NUBP2: variants seen among roughly 807,000 people sequenced by gnomAD.
NUBP2 encodes the protein NUBP iron-sulfur cluster assembly factor 2, cytosolic.
NUBP2 carries 23 observed loss-of-function variants against 24.9 expected under a neutral mutation model. The observed-to-expected ratio is 0.92, with a 90% CI of 0.66 to 1.31. The LOEUF (loss-of-function observed/expected upper bound fraction) is 1.31, where lower values mean the gene tolerates loss of function less well. Among genes scored for constraint, NUBP2 ranks in the 50% most tolerant of loss-of-function variants. The pLI, the probability that NUBP2 is intolerant of heterozygous loss-of-function variation, is 0.00. For missense variants in NUBP2, 403 were observed against 386.5 expected (o/e 1.04, Z -0.36); for synonymous variants, 186 against 170.9 (o/e 1.09, Z -0.69).
chr16:1,783,322 C>T (rs1040282315), intron 1 of NUBP2: 17 of 1,119,352 alleles, frequency 1.5e-5, no homozygotes, highest in Admixed American at 1.0e-4. Flanking sequence ...TAGGCGGGCG[C>T]GGTGGCGCCT....
chr16:1,788,607 G>C lies in NUBP2; in HGVS notation c.709G>C (p.Glu237Gln), dbSNP rs1215395837. 6.2e-7 allele frequency: 1 copy of C among 1,610,162 alleles called. No homozygotes were observed. The highest frequency in any genetic ancestry group is 8.5e-7 in the Non-Finnish European group (1 of 1,179,284). ...PLDPALMRTL[E>Q]EGHDFIQEFP... Reference sequence around the variant, plus strand: ...GGACCCTGCGCTCATGAGGACCCTGGAGGAGGGCCACGACTTCATCCAGGA... The same window carrying C: ...GGACCCTGCGCTCATGAGGACCCTGCAGGAGGGCCACGACTTCATCCAGGA... The change falls in exon 7 of 7, where the codon GAG (glutamate) becomes CAG (glutamine). Residue 237 changes from glutamate to glutamine, a missense_variant. Coordinates refer to ENST00000262302, the MANE Select transcript of NUBP2 (RefSeq NM_012225.4).
At chr16:1,787,653 G>A (rs368658020) in intron 3 of NUBP2, 24 bp from the exon 4 acceptor site, 149 of 1,609,216 alleles carry the variant, frequency 9.3e-5, no homozygotes, top group Middle Eastern at 5.2e-4. Context: ...TGCCCTGACC[G>A]CCCCGTCTGC....
Position 1,786,995 on chromosome 16 carries a change from G to A in NUBP2, c.334+40G>A, listed in dbSNP as rs1342361007. On this transcript the variant is annotated intron_variant, in intron 3 of 6. Transcript: ENST00000262302. ...GCGCGTCCGCCGTCCTGGTGAAGGG[G>A]GTTAGCGTCCGTGCCGGCCTCTCCT... 2.0e-6 allele frequency: 3 copies of A among 1,481,766 alleles called. No homozygotes were observed. In the East Asian group the frequency reaches 7.0e-5, roughly 35 times the overall value. The allele number at this position is 1,481,766 out of a possible 1,614,324, so 91.8% of individuals were successfully genotyped here.
At chr16:1,784,527 C>G (rs928401166) in intron 1 of NUBP2, 4 of 152,030 alleles carry the variant, frequency 2.6e-5, no homozygotes, top group East Asian at 2.0e-4. Context: ...CTCAGCCTCC[C>G]AAATAGCTGG....
intron 3 of NUBP2, 107 bp downstream of exon 3, chr16:1,787,062 AC>A: frequency 8.9e-7 from 1 of 1,123,678 alleles, no homozygotes; most frequent in Non-Finnish European, 1.2e-6. Context: ...GTTCCTGGGG[AC>A]CTGCACATGA....
chr16:1,786,928 G>A lies in NUBP2; in HGVS notation c.307G>A (p.Val103Met), dbSNP rs543159832. 2.4e-5 allele frequency: 36 copies of A among 1,530,620 alleles called. 1 individual carries two copies. The highest frequency in any genetic ancestry group is 1.1e-4 in the African/African-American group (8 of 72,678). The allele number at this position is 1,530,620 out of a possible 1,614,324, so 94.8% of individuals were successfully genotyped here. A position where few individuals can be genotyped will look rare whatever the true frequency, so the allele number is the denominator to read the frequency against. Residue 103 changes from valine (V) to methionine (M), a missense_variant, in exon 3 of 7, where the codon GTG (valine) becomes ATG (methionine). Coordinates refer to ENST00000262302, the MANE Select transcript of NUBP2 (RefSeq NM_012225.4). ...CCTGCTGGAGAAGCCGGACGAGGCC[G>A]TGGTGTGGAGAGGCCCCAAGAAAAA... ...GFLLEKPDEAVVWRGPKKNAL... is the reference protein window; with the variant it reads ...GFLLEKPDEAMVWRGPKKNAL...
intron 1 of NUBP2, chr16:1,783,435 T>A: frequency 9.9e-7 from 1 of 1,012,198 alleles, no homozygotes; most frequent in Non-Finnish European, 1.2e-6. Flanking sequence ...GTCATGAAAG[T>A]AAGACGGACG....
Position 1,788,620 on chromosome 16 carries a change from A to G in NUBP2, c.722A>G (p.Asp241Gly). The G allele has an allele frequency of 6.2e-7, 1 of 1,610,998 alleles. No homozygotes were observed. Among genetic ancestry groups the G allele is most frequent in the Non-Finnish European group, 8.5e-7 (1 of 1,179,426 alleles). The change falls in exon 7 of 7, where the codon GAC becomes GGC. Residue 241 changes from aspartate (D) to glycine (G), a missense_variant. Physicochemically the swap from Asp to Gly is moderately conservative, Grantham distance 94. Coordinates refer to ENST00000262302, the MANE Select transcript of NUBP2 (RefSeq NM_012225.4). ...ATGAGGACCCTGGAGGAGGGCCACG[A>G]CTTCATCCAGGAGTTCCCTGGGAGC... ...ALMRTLEEGH[D>G]FIQEFPGSPA...
At chr16:1,785,696 CTG>C (rs1203914266) in intron 1 of NUBP2, 2 of 1,288,922 alleles carry the variant, frequency 1.6e-6, no homozygotes, top group African/African-American at 3.0e-5. Context: ...CAGGCAGCCT[CTG>C]TAGGTCTGAG....
Position 1,788,110 on chromosome 16 carries a change from C to A in NUBP2, c.601-28C>A, listed in dbSNP as rs778031091. 33 of 1,548,700 alleles carry A rather than the reference C, an allele frequency of 2.1e-5. No individual in the cohort carries two copies. The East Asian group carries it at 5.7e-4, about 27-fold the overall frequency. On this transcript the variant is annotated intron_variant, in intron 5 of 6. Transcript: ENST00000262302. ...GCACCTGGCCGGTGGGGGCTTTGGGCAGTGCTGGGCTCACCACCGTCTCCT... is the reference window on the plus strand; with the variant it reads ...GCACCTGGCCGGTGGGGGCTTTGGGAAGTGCTGGGCTCACCACCGTCTCCT...
chr16:1,788,900 C>T lies in NUBP2; in HGVS notation c.*186C>T, dbSNP rs1897128751. The T allele has an allele frequency of 5.3e-6, 4 of 757,352 alleles. No homozygotes were observed. The highest frequency in any genetic ancestry group is 8.1e-6 in the Non-Finnish European group (4 of 491,210). 46.9% of individuals were successfully genotyped at this position (757,352 alleles called of 1,614,324 possible). A position where few individuals can be genotyped will look rare whatever the true frequency, so the allele number is the denominator to read the frequency against. On this transcript the variant is annotated 3_prime_UTR_variant, in exon 7 of 7. Transcript: ENST00000262302. ...CGCACCAGCAGCTCTGCCTGGTTGG[C>T]CTGCAGTGCCGTGGTCTGCGTGCTC...
chr16:1,783,896 T>G, intron 1 of NUBP2: 5 of 352,502 alleles, frequency 1.4e-5, no homozygotes, highest in Non-Finnish European at 2.0e-5. Flanking sequence ...GGTTTCACCG[T>G]GTTAGCCAGG....
intron 3 of NUBP2, 151 bp downstream of exon 3, chr16:1,787,106 GGT>G: frequency 1.8e-5 from 13 of 717,440 alleles, no homozygotes; most frequent in Non-Finnish European, 2.8e-5. Flanking sequence ...TCAGGCTGGC[GGT>G]GTGTCTCCAG....
At chr16:1,787,054 TC>T (rs1464201361) in intron 3 of NUBP2, 99 bp downstream of exon 3, 1 of 1,210,324 alleles carries the variant, frequency 8.3e-7, no homozygotes, top group Non-Finnish European at 1.1e-6. Context: ...CCAGGCCTGT[TC>T]CTGGGGACCT....
chr16:1,788,889 T>G lies in NUBP2; in HGVS notation c.*175T>G. 2.3e-6 allele frequency: 2 copies of G among 853,992 alleles called. No individual in the cohort carries two copies. Among genetic ancestry groups the G allele is most frequent in the Non-Finnish European group, 3.5e-6 (2 of 578,680 alleles). 52.9% of individuals were successfully genotyped at this position (853,992 alleles called of 1,614,324 possible). The stretch of plus-strand genomic sequence containing the variant: ...CCAGGATGTGTCGCACCAGCAGCTC[T>G]GCCTGGTTGGCCTGCAGTGCCGTGG... On this transcript the variant is annotated 3_prime_UTR_variant, in exon 7 of 7. Coordinates refer to ENST00000262302, the MANE Select transcript of NUBP2 (RefSeq NM_012225.4).
intron 1 of NUBP2, chr16:1,785,792 G>T: frequency 7.8e-7 from 1 of 1,289,152 alleles, no homozygotes. Flanking sequence ...TCAGAAGGGG[G>T]CAGGTTTTAC....
chr16:1,785,474 A>G lies in NUBP2; in HGVS notation c.17-1063A>G, dbSNP rs1021858053. 23 of 1,188,238 alleles carry G rather than the reference A, an allele frequency of 1.9e-5. No homozygotes were observed. The African/African-American group carries it at 3.7e-4, about 19-fold the overall frequency. 73.6% of individuals were successfully genotyped at this position (1,188,238 alleles called of 1,614,324 possible). ...CAGCACTGATGGCAGCATGGCAGTC[A>G]GGACCCAGGCCTGACAGAGTCCCCG... is the stretch of plus-strand genomic sequence containing the variant. On this transcript the variant is annotated intron_variant, in intron 1 of 6. Coordinates refer to ENST00000262302, the MANE Select transcript of NUBP2 (RefSeq NM_012225.4).
rs1301282981 is a variant in NUBP2 at position 1,786,884 on chromosome 16, C to T, written c.263C>T (p.Ser88Leu). 7.0e-6 allele frequency: 11 copies of T among 1,573,380 alleles called. No individual in the cohort carries two copies. Among genetic ancestry groups the T allele is most frequent in the African/African-American group, 2.7e-5 (2 of 74,132 alleles). Residue 88 changes from serine (S) to leucine (L), a missense_variant, in exon 3 of 7, where the codon TCG becomes TTG. By Grantham distance (145) the Ser-to-Leu change is moderately radical. Coordinates refer to ENST00000262302, the MANE Select transcript of NUBP2 (RefSeq NM_012225.4). ...PVFLDREQSI[S>L]LMSVGFLLEK... ...TTCCTGGACCGGGAGCAGAGCATCT[C>T]GCTCATGTCTGTGGGCTTCCTGCTG...
rs552603643 is a variant in NUBP2, at chr16:1,787,598, C to T, written c.335-79C>T. ...ATGGACTGCAGCCCCTCGGCCTGACCTGGCTGGTTCTTAGTGGCGCAGGGC... is the reference window on the plus strand; with the variant it reads ...ATGGACTGCAGCCCCTCGGCCTGACTTGGCTGGTTCTTAGTGGCGCAGGGC... On this transcript the variant is annotated intron_variant, in intron 3 of 6. Transcript: ENST00000262302. The T allele has an allele frequency of 2.5e-4, 393 of 1,559,552 alleles. 3 individuals carry two copies. The African/African-American group carries it at 4.9e-3, about 20-fold the overall frequency.
Sources: allele counts gnomAD v4.1 joint callset, GRCh38; gene constraint gnomAD v4.1.1; transcripts MANE v1.5; gene names NCBI Gene and HGNC (gene_info 2026-07-23, HGNC 2026-07-21).